Variants in EGFLAM observed in about 807,000 individuals in gnomAD.
EGFLAM encodes EGF like, fibronectin type III and laminin G domains, also known as pikachurin.
In EGFLAM, 79 loss-of-function variants were observed where a neutral mutation model predicts 113.1. The observed-to-expected ratio is 0.70, with a 90% CI of 0.58 to 0.84. The LOEUF (loss-of-function observed/expected upper bound fraction) is 0.84, where lower values mean the gene tolerates loss of function less well. Among genes scored for constraint, EGFLAM ranks in the 40% least tolerant of loss-of-function variants. The probability of loss-of-function intolerance (pLI) is 0.00; values close to 1 mark genes in which losing one functional copy is unlikely to be tolerated. For missense variants in EGFLAM, 1,265 were observed against 1,291.6 expected (o/e 0.98, Z 0.32); for synonymous variants, 504 against 487.6 (o/e 1.03, Z -0.44).
intron 4 of EGFLAM, among the ~76,000 whole-genome samples, chr5:38,351,954 A>T (rs1243949007): frequency 6.6e-6 from 1 of 152,110 alleles, no homozygotes; most frequent in Non-Finnish European, 1.5e-5. Flanking sequence ...GGAGAAGGGG[A>T]GACCAGCTCT....
intron 13 of EGFLAM, 62 bp from the exon 14 acceptor site, chr5:38,426,946 TG>T: frequency 6.3e-7 from 1 of 1,588,314 alleles, no homozygotes. Flanking sequence ...AACACAGCTA[TG>T]GGTGCACATC....
intron 18 of EGFLAM, 41 bp downstream of exon 18, chr5:38,448,420 G>T (rs756459203): frequency 5.6e-5 from 89 of 1,592,160 alleles, no homozygotes; most frequent in Non-Finnish European, 7.4e-5. Flanking sequence ...CTTTCTGGGG[G>T]TAAATTTCTC....
intron 6 of EGFLAM, among the ~76,000 whole-genome samples, chr5:38,404,603 TTTAAG>T (rs1162078900): frequency 6.6e-6 from 1 of 152,242 alleles, no homozygotes; most frequent in East Asian, 1.9e-4. Context: ...GCAAAATGTC[TTTAAG>T]TTTAGTTTAT....
chr5:38,385,644 T>C (rs1207094498), intron 6 of EGFLAM, among the ~76,000 whole-genome samples: 1 of 152,188 alleles, frequency 6.6e-6, no homozygotes, highest in African/African-American at 2.4e-5. Flanking sequence ...TATGTGCAAA[T>C]GTGTCACAGA....
chr5:38,384,878 G>T (rs879423037), intron 6 of EGFLAM, among the ~76,000 whole-genome samples: 1 of 152,072 alleles, frequency 6.6e-6, no homozygotes, highest in Non-Finnish European at 1.5e-5. Flanking sequence ...AGAATATTTG[G>T]CAATGCCTGG....
At chr5:38,261,432 G>A (rs1247032064) in intron 1 of EGFLAM, among the ~76,000 whole-genome samples, 1 of 152,196 alleles carries the variant, frequency 6.6e-6, no homozygotes, top group African/African-American at 2.4e-5. Flanking sequence ...GGGAGATGGG[G>A]ACTATTATTA....
rs562854918 is a variant in EGFLAM, at chr5:38,317,030, G to A, written c.98-20490G>A. On this transcript the variant is annotated intron_variant, in intron 1 of 21. Transcript: ENST00000322350. Reference sequence around the variant, plus strand: ...TCCATTCTATCACGTGATCCTGGAAGTAATTGGAAACATCTGTTGTGAAGT... The same window carrying A: ...TCCATTCTATCACGTGATCCTGGAAATAATTGGAAACATCTGTTGTGAAGT... Among the ~76,000 whole-genome samples, 40 of 152,238 alleles carry A rather than the reference G, an allele frequency of 2.6e-4. No homozygotes were observed. In the South Asian group the frequency reaches 7.1e-3, roughly 27 times the overall value.
intron 1 of EGFLAM, among the ~76,000 whole-genome samples, chr5:38,301,696 T>A (rs1023626641): frequency 2.0e-5 from 3 of 152,020 alleles, no homozygotes; most frequent in African/African-American, 7.2e-5. Flanking sequence ...TATGCTTGGG[T>A]CATGGAGCTT....
At chr5:38,345,510 G>A (rs1007443011) in intron 3 of EGFLAM, 9 of 152,164 alleles carry the variant, frequency 5.9e-5, no homozygotes, top group African/African-American at 2.2e-4. Context: ...AGACAAAGGG[G>A]TTTTACATTC....
intron 1 of EGFLAM, among the ~76,000 whole-genome samples, chr5:38,280,192 T>C (rs890190258): frequency 5.3e-5 from 8 of 152,198 alleles, no homozygotes; most frequent in African/African-American, 1.9e-4. Flanking sequence ...GATGGAAAAA[T>C]ATGAACTACC....
chr5:38,451,177 C>A, intron 18 of EGFLAM, 138 bp from the exon 19 acceptor site: 1 of 1,157,830 alleles, frequency 8.6e-7, no homozygotes, highest in Non-Finnish European at 1.2e-6. Flanking sequence ...TGGTGCGACT[C>A]GTGGTAATGA....
At chr5:38,451,148 G>A (rs1291637804) in intron 18 of EGFLAM, among the ~76,000 whole-genome samples, 167 bp from the exon 19 acceptor site, 1 of 152,320 alleles carries the variant, frequency 6.6e-6, no homozygotes, top group East Asian at 1.9e-4. Context: ...TGAGTGAGCA[G>A]TCCAGACCTT....
chr5:38,456,444 A>G (rs1288200772), intron 19 of EGFLAM, among the ~76,000 whole-genome samples: 1 of 152,176 alleles, frequency 6.6e-6, no homozygotes, highest in African/African-American at 2.4e-5. Context: ...TCATTCAAGA[A>G]GTATTTAGCC....
At chr5:38,335,262 G>A (rs1325209140) in intron 1 of EGFLAM, among the ~76,000 whole-genome samples, 1 of 152,170 alleles carries the variant, frequency 6.6e-6, no homozygotes, top group East Asian at 1.9e-4. Context: ...TGGCACATGT[G>A]TGCAAAAAGG....
chr5:38,266,762 G>C (rs10061492), intron 1 of EGFLAM, among the ~76,000 whole-genome samples: 34,410 of 152,042 alleles, frequency 0.23, 4,266 homozygotes, highest in African/African-American at 0.32. Context: ...TGCAGGATGT[G>C]GTAGGGCAGC....
At chr5:38,446,101 G>A (rs764771025) in intron 17 of EGFLAM, among the ~76,000 whole-genome samples, 8 of 152,024 alleles carry the variant, frequency 5.3e-5, no homozygotes, top group Non-Finnish European at 8.8e-5. Flanking sequence ...GTTTAGCTCC[G>A]GGAAGGCCTC....
chr5:38,415,922 G>C (rs57858509), intron 11 of EGFLAM, among the ~76,000 whole-genome samples: 16,714 of 151,940 alleles, frequency 0.11, 1,088 homozygotes, highest in East Asian at 0.24. Context: ...TCACTACCAC[G>C]AGAACAGCAT....
chr5:38,373,709 T>G (rs114733106), intron 6 of EGFLAM, among the ~76,000 whole-genome samples: 1,873 of 152,364 alleles, frequency 0.012, 39 homozygotes, highest in African/African-American at 0.043. Flanking sequence ...TTGTGAATAG[T>G]GCTTCATAAA....
chr5:38,436,114 C>A (rs1742341203), intron 16 of EGFLAM, among the ~76,000 whole-genome samples: 2 of 152,132 alleles, frequency 1.3e-5, no homozygotes, highest in Admixed American at 1.3e-4. Context: ...CTGCTTCTGG[C>A]CTGCTCTCTT....
Sources: allele counts gnomAD v4.1 joint callset (sites outside exome capture counted in the v4.1 genomes callset), GRCh38; gene constraint gnomAD v4.1.1; transcripts MANE v1.5; gene names NCBI Gene and HGNC (gene_info 2026-07-23, HGNC 2026-07-21).